The following CCDC112 variants were observed in gnomAD, a reference collection of about 807,000 sequenced individuals.
CCDC112 encodes coiled-coil domain containing 112, also known as coiled-coil domain-containing protein 112.
A neutral mutation model predicts 66.3 loss-of-function variants in CCDC112; 40 were observed. The observed-to-expected ratio is 0.60, with a 90% CI of 0.47 to 0.79. CCDC112 has a LOEUF of 0.79. CCDC112 is among the 30% of genes least tolerant of loss of function. The pLI, the probability that CCDC112 is intolerant of heterozygous loss-of-function variation, is 0.00. For missense variants in CCDC112, 659 were observed against 603.8 expected (o/e 1.09, Z -0.96); for synonymous variants, 214 against 197.2 (o/e 1.09, Z -0.71).
At chr5:115,277,658 A>T (rs1156838720) in intron 3 of CCDC112, among the ~76,000 whole-genome samples, 2 of 152,168 alleles carry the variant, frequency 1.3e-5, no homozygotes, top group Non-Finnish European at 2.9e-5. Context: ...ACCAGCCTGG[A>T]GTAAAATATT....
intron 3 of CCDC112, among the ~76,000 whole-genome samples, chr5:115,277,973 A>G (rs925029946): frequency 1.3e-5 from 2 of 152,146 alleles, no homozygotes; most frequent in African/African-American, 4.8e-5. Context: ...TTTTTTAAGA[A>G]AAAGTTTACC....
chr5:115,279,666 A>G lies in CCDC112; in HGVS notation c.342T>C (p.Ile114=). ...SMLEELENKL[I]HSRKTERAKI... is the part of the protein sequence containing the mutation. The stretch of plus-strand genomic sequence containing the variant: ...ACTTACTTTCTGTTTTCCTGCTGTG[A>G]ATCAATTTATTTTCCAATTCTTCTA... Residue 114 remains isoleucine, a synonymous_variant, in exon 3 of 10, where the codon ATT becomes ATC. Transcript: ENST00000379611. 6.2e-7 allele frequency: 1 copy of G among 1,611,844 alleles called. No individual in the cohort carries two copies. The highest frequency in any genetic ancestry group is 8.5e-7 in the Non-Finnish European group (1 of 1,179,300).
At position 115,268,893 on chromosome 5, in the gene CCDC112, A is replaced by G; in HGVS notation, c.1536T>C (p.His512=). 1.9e-6 allele frequency: 3 copies of G among 1,590,422 alleles called. No homozygotes were observed. Among genetic ancestry groups the G allele is most frequent in the South Asian group, 2.3e-5 (2 of 88,480 alleles). The change falls in exon 9 of 10, where the codon CAT becomes CAC. Residue 512 remains histidine, a synonymous_variant. Coordinates refer to ENST00000379611, the MANE Select transcript of CCDC112 (RefSeq NM_001040440.3). The stretch of plus-strand genomic sequence containing the variant: ...TAACTCTTTCTTACCTATGTGGGAT[A>G]TGTAGAAGTGGCCCAGAGCCTGTTG... ...IGPTGSGPLL[H]IPHRAIPTWR...
At chr5:115,282,034 G>A (rs886778734) in intron 2 of CCDC112, among the ~76,000 whole-genome samples, 2 of 151,942 alleles carry the variant, frequency 1.3e-5, no homozygotes, top group Non-Finnish European at 2.9e-5. Context: ...AAATAATGTT[G>A]ACCTATGTGG....
At chr5:115,288,263 T>C (rs1038656848) in intron 1 of CCDC112, among the ~76,000 whole-genome samples, 1 of 152,120 alleles carries the variant, frequency 6.6e-6, no homozygotes, top group Non-Finnish European at 1.5e-5. Context: ...TTACAGGTGT[T>C]AGCCACCGCA....
chr5:115,278,772 T>C (rs1749316701), intron 3 of CCDC112, among the ~76,000 whole-genome samples: 1 of 152,110 alleles, frequency 6.6e-6, no homozygotes, highest in African/African-American at 2.4e-5. Context: ...TCTTTTCTTT[T>C]AAAAAATAGT....
rs1265539973 is a variant in CCDC112 at position 115,284,928 on chromosome 5, A to T, written c.118-20T>A. 6.3e-7 allele frequency: 1 copy of T among 1,590,542 alleles called. No homozygotes were observed. Among genetic ancestry groups the T allele is most frequent in the Admixed American group, 1.7e-5 (1 of 58,560 alleles). ...ATCACTCTGCATTGAGAACAAGAAAAACTTAACAGTAATGAAAATAGTAAG... is the reference window on the plus strand; with the variant it reads ...ATCACTCTGCATTGAGAACAAGAAATACTTAACAGTAATGAAAATAGTAAG... On this transcript the variant is annotated intron_variant, in intron 1 of 9. Transcript: ENST00000379611.
At chr5:115,270,608 C>G (rs1319071008) in intron 7 of CCDC112, among the ~76,000 whole-genome samples, 2 of 152,156 alleles carry the variant, frequency 1.3e-5, no homozygotes, top group African/African-American at 4.8e-5. Flanking sequence ...TGCAAACACA[C>G]CACTAATGCC....
chr5:115,283,862 C>G (rs1343133247), intron 2 of CCDC112, among the ~76,000 whole-genome samples: 1 of 152,076 alleles, frequency 6.6e-6, no homozygotes, highest in African/African-American at 2.4e-5. Flanking sequence ...ATAAAGCTCT[C>G]AACTGTAGGG....
chr5:115,291,099 A>C (rs1365546436), intron 1 of CCDC112, among the ~76,000 whole-genome samples: 1 of 152,034 alleles, frequency 6.6e-6, no homozygotes, highest in Admixed American at 6.6e-5. Flanking sequence ...TCATTAAGTA[A>C]TACGTTACTT....
chr5:115,291,179 ACC>A (rs1168587951), intron 1 of CCDC112, among the ~76,000 whole-genome samples: 1 of 152,040 alleles, frequency 6.6e-6, no homozygotes, highest in Non-Finnish European at 1.5e-5. Flanking sequence ...ATCTGAATTG[ACC>A]TATCTTCATG....
intron 1 of CCDC112, among the ~76,000 whole-genome samples, chr5:115,291,263 T>A (rs1018635887): frequency 1.3e-5 from 2 of 152,202 alleles, no homozygotes; most frequent in African/African-American, 4.8e-5. Flanking sequence ...CCCTTTATTC[T>A]ATTAATATGT....
At chr5:115,296,024 C>T in intron 1 of CCDC112, 1 of 993,992 alleles carries the variant, frequency 1.0e-6, no homozygotes, top group Non-Finnish European at 1.2e-6. Flanking sequence ...AGTAACAGAG[C>T]TGCCACCAAT....
intron 1 of CCDC112, among the ~76,000 whole-genome samples, chr5:115,287,038 TG>T (rs1749703851): frequency 6.6e-6 from 1 of 152,210 alleles, no homozygotes; most frequent in South Asian, 2.1e-4. Context: ...TTCTCTGAGT[TG>T]TCTTTTCACT....
intron 8 of CCDC112, among the ~76,000 whole-genome samples, chr5:115,269,339 G>A (rs901433988): frequency 2.6e-5 from 4 of 152,060 alleles, no homozygotes; most frequent in African/African-American, 7.2e-5. Context: ...TAAGTCTTCC[G>A]TTTTATCCAT....
intron 1 of CCDC112, among the ~76,000 whole-genome samples, chr5:115,285,588 C>T (rs1055295394): frequency 1.3e-5 from 2 of 151,966 alleles, no homozygotes; most frequent in African/African-American, 2.4e-5. Flanking sequence ...AGATTAGTAA[C>T]GGTGTGGATC....
At chr5:115,292,367 T>G (rs572265407) in intron 1 of CCDC112, among the ~76,000 whole-genome samples, 81 of 147,730 alleles carry the variant, frequency 5.5e-4, no homozygotes, top group Middle Eastern at 3.7e-3. Context: ...AATGTTTAAT[T>G]TCTTTAAAGA....
chr5:115,284,670 G>A (rs1215156118), intron 2 of CCDC112, 117 bp downstream of exon 2: 3 of 699,802 alleles, frequency 4.3e-6, no homozygotes, highest in Non-Finnish European at 6.9e-6. Flanking sequence ...TGACAGGCTA[G>A]TGATTACAAT....
intron 4 of CCDC112, 74 bp downstream of exon 4, chr5:115,276,891 A>G: frequency 1.1e-6 from 1 of 902,432 alleles, no homozygotes. Context: ...CCAATAAAGT[A>G]GAGTTTAGCT....
Sources: gnomAD v4.1 joint callset for allele counts (sites outside exome capture counted in the v4.1 genomes callset) on GRCh38, gnomAD v4.1.1 for gene constraint, MANE v1.5 for transcripts, NCBI Gene and HGNC (gene_info 2026-07-23, HGNC 2026-07-21) for gene names.